The following TENM2 variants were observed in gnomAD, a reference collection of about 807,000 sequenced individuals.
The protein encoded by TENM2 is teneurin-2.
In TENM2, 52 loss-of-function variants were observed where a neutral mutation model predicts 245.2. The ratio of observed to expected loss-of-function variants is 0.21; its 90% confidence interval spans 0.17 to 0.27. The LOEUF is 0.27. Among genes scored for constraint, TENM2 ranks in the 10% least tolerant of loss-of-function variants. The probability of loss-of-function intolerance (pLI) is 1.00; values close to 1 mark genes in which losing one functional copy is unlikely to be tolerated. For missense variants in TENM2, 3,046 were observed against 3,666.8 expected, an observed-to-expected ratio of 0.83 and a Z score of 4.37; for synonymous variants, 1,363 against 1,438.9, an observed-to-expected ratio of 0.95 and a Z score of 1.19.
At chr5:168,076,009 A>G (rs1791434805) in intron 7 of TENM2, among the ~76,000 whole-genome samples, 1 of 152,096 alleles carries the variant, frequency 6.6e-6, no homozygotes. Flanking sequence ...GAATTATGGG[A>G]GCTACAATTC....
Position 167,913,210 on chromosome 5 carries a change from A to G in TENM2, c.712+37015A>G, listed in dbSNP as rs182868826. On this transcript the variant is annotated intron_variant, in intron 3 of 28. Coordinates refer to ENST00000518659, the Ensembl canonical transcript of TENM2. Reference sequence around the variant, plus strand: ...TCCACCTGCCTCTTCTCCTAGTACAACCTGGAGTTTCTGACTACATTCTAA... The same window carrying G: ...TCCACCTGCCTCTTCTCCTAGTACAGCCTGGAGTTTCTGACTACATTCTAA... 2.6e-5 allele frequency among the ~76,000 whole-genome samples: 4 copies of G among 152,252 alleles called. No individual in the cohort carries two copies. In the East Asian group the frequency reaches 7.7e-4, roughly 29 times the overall value.
At chr5:167,415,670 C>CA (rs542877237) in intron 2 of TENM2, among the ~76,000 whole-genome samples, 37 of 145,174 alleles carry the variant, frequency 2.5e-4, no homozygotes, top group South Asian at 1.1e-3. Context: ...ATTGTTGAAG[C>CA]AAAAAAAAAA....
At chr5:167,173,706 AGTGT>A in the TENM2 span, among the ~76,000 whole-genome samples, 2,645 of 144,312 alleles carry the variant, frequency 0.018, 59 homozygotes, top group African/African-American at 0.059. Context: ...AGGTGATTTG[AGTGT>A]GTGTGTGTGT....
At chr5:167,558,817 C>T (rs1361181799) in intron 2 of TENM2, among the ~76,000 whole-genome samples, 1 of 150,462 alleles carries the variant, frequency 6.6e-6, no homozygotes, top group East Asian at 2.0e-4. Flanking sequence ...TGGGTCCATG[C>T]AAAAATGGTC....
intron 7 of TENM2, among the ~76,000 whole-genome samples, chr5:168,070,797 G>GAA (rs1790928864): frequency 6.6e-5 from 8 of 120,430 alleles, no homozygotes; most frequent in African/African-American, 2.6e-4. Context: ...GAAAGAAAGA[G>GAA]AGAGAGAGAG....
intron 15 of TENM2, among the ~76,000 whole-genome samples, chr5:168,195,542 G>C (rs980753536): frequency 7.4e-6 from 1 of 135,662 alleles, no homozygotes; most frequent in Non-Finnish European, 1.6e-5. Context: ...TTAATGTCAG[G>C]TCAATGCACG....
chr5:168,077,044 G>C (rs762994331), intron 7 of TENM2, among the ~76,000 whole-genome samples: 2 of 152,196 alleles, frequency 1.3e-5, no homozygotes, highest in Non-Finnish European at 2.9e-5. Flanking sequence ...GGTGAGCTAT[G>C]TAACCTCTCT....
intron 1 of TENM2, among the ~76,000 whole-genome samples, chr5:167,374,906 T>G (rs1581876548): frequency 6.6e-6 from 1 of 152,128 alleles, no homozygotes. Flanking sequence ...CGTTCCGGGT[T>G]TTTTCAGCTA....
intron 2 of TENM2, among the ~76,000 whole-genome samples, chr5:167,805,190 A>G (rs948029784): frequency 6.6e-6 from 1 of 152,176 alleles, no homozygotes; most frequent in Non-Finnish European, 1.5e-5. Context: ...TCCTTGGTGT[A>G]GCACTCGTGT....
At chr5:167,068,455 A>T in the TENM2 span, among the ~76,000 whole-genome samples, 3 of 152,222 alleles carry the variant, frequency 2.0e-5, no homozygotes, top group African/African-American at 7.2e-5. Context: ...GGTGAAATTA[A>T]TTGTATTAAT....
chr5:168,139,395 T>A (rs917265891), intron 12 of TENM2: 1 of 438,832 alleles, frequency 2.3e-6, no homozygotes, highest in Non-Finnish European at 4.6e-6. Context: ...TTTTATTTAT[T>A]TTGAAAACCT....
chr5:167,839,848 G>C (rs1769331243), intron 2 of TENM2, among the ~76,000 whole-genome samples: 1 of 152,026 alleles, frequency 6.6e-6, no homozygotes, highest in African/African-American at 2.4e-5. Flanking sequence ...ATGGAATTTT[G>C]CTTTTTTTGT....
chr5:167,419,152 G>A (rs1763342857), intron 2 of TENM2, among the ~76,000 whole-genome samples: 1 of 152,070 alleles, frequency 6.6e-6, no homozygotes. Flanking sequence ...TAGATAGATA[G>A]ATAGATAATT....
chr5:167,999,635 A>C (rs1310887329), intron 5 of TENM2, among the ~76,000 whole-genome samples: 7 of 152,124 alleles, frequency 4.6e-5, no homozygotes, highest in African/African-American at 7.2e-5. Flanking sequence ...TCGGAGGAGG[A>C]CGTGGCCTCT....
At chr5:167,032,371 A>G in the TENM2 span, among the ~76,000 whole-genome samples, 2 of 152,146 alleles carry the variant, frequency 1.3e-5, no homozygotes. Context: ...GGGTTTCTGT[A>G]TAGTCAAGGG....
At chr5:167,300,402 A>G (rs1377304120) in intron 1 of TENM2, among the ~76,000 whole-genome samples, 2 of 152,154 alleles carry the variant, frequency 1.3e-5, no homozygotes, top group Non-Finnish European at 2.9e-5. Context: ...AATGCGTTGT[A>G]GAGGGAGGTA....
chr5:167,734,075 A>G (rs1056224572), intron 2 of TENM2, among the ~76,000 whole-genome samples: 4 of 152,170 alleles, frequency 2.6e-5, no homozygotes, highest in African/African-American at 9.7e-5. Flanking sequence ...TATTTCCACT[A>G]TGTGCTGATG....
rs753692093 is a variant in TENM2 at position 167,566,736 on chromosome 5, A to G, written c.502+191263A>G. Among the ~76,000 whole-genome samples the G allele has an allele frequency of 1.1e-4, 17 of 152,214 alleles. 1 individual carries two copies. The highest frequency in any genetic ancestry group is 2.2e-4 in the Non-Finnish European group (15 of 68,030). ...TCCACCAAAGCCTGTATTCAACTCA[A>G]TGGAGAGGAACGTAAATTCTTACTT... On this transcript the variant is annotated intron_variant, in intron 2 of 28. Transcript: ENST00000518659.
chr5:167,540,023 A>C (rs1480910579), intron 2 of TENM2, among the ~76,000 whole-genome samples: 3 of 152,188 alleles, frequency 2.0e-5, no homozygotes, highest in Non-Finnish European at 4.4e-5. Context: ...AAACAGTGCC[A>C]CTTTAGGTGC....
Sources: allele counts gnomAD v4.1 joint callset (sites outside exome capture counted in the v4.1 genomes callset), GRCh38; gene constraint gnomAD v4.1.1; transcripts MANE v1.5; gene names NCBI Gene and HGNC (gene_info 2026-07-23, HGNC 2026-07-21).